IFT74: variants seen among roughly 807,000 people sequenced by gnomAD.
IFT74 encodes the protein intraflagellar transport 74.
In IFT74, 92 loss-of-function variants were observed where a neutral mutation model predicts 96.7. The observed-to-expected ratio is 0.95, with a 90% CI of 0.80 to 1.13. The LOEUF (loss-of-function observed/expected upper bound fraction) is 1.13. IFT74 is among the 50% of genes most tolerant of loss of function. The pLI is 0.00. For missense variants in IFT74, 811 were observed against 698.2 expected (o/e 1.16, Z -1.82); for synonymous variants, 223 against 213.2 (o/e 1.05, Z -0.40).
chr9:27,050,311 G>A (rs751005939), intron 16 of IFT74, among the ~76,000 whole-genome samples: 1 of 152,124 alleles, frequency 6.6e-6, no homozygotes, highest in Admixed American at 6.5e-5. Context: ...TGCCCACCTC[G>A]GCCTCCCAAA....
At chr9:26,999,041 C>T (rs370843364) in intron 8 of IFT74, among the ~76,000 whole-genome samples, 1 of 152,154 alleles carries the variant, frequency 6.6e-6, no homozygotes, top group South Asian at 2.1e-4. Context: ...TCTGGTTTAA[C>T]TCTCTTAAAC....
At position 27,048,267 on chromosome 9, in the gene IFT74, G is replaced by T; in HGVS notation, c.1326G>T (p.Leu442Phe). The part of the protein sequence containing the change: ...VQKSQSTAQN[L>F]TSDIQRLQLD... ...AATCACAAAGTACAGCTCAGAATTTGACTTCAGGTGAGAAAACAACCTAGA... is the reference window on the plus strand; with the variant it reads ...AATCACAAAGTACAGCTCAGAATTTTACTTCAGGTGAGAAAACAACCTAGA... The change falls in exon 16 of 20, where the codon TTG (leucine) becomes TTT (phenylalanine). Residue 442 changes from leucine (L) to phenylalanine (F), a missense_variant. Leu to Phe is a conservative substitution (Grantham distance 22). Transcript: ENST00000380062. The T allele has an allele frequency of 6.3e-7, 1 of 1,578,364 alleles. No individual in the cohort carries two copies. The highest frequency in any genetic ancestry group is 1.2e-5 in the South Asian group (1 of 82,822).
intron 16 of IFT74, among the ~76,000 whole-genome samples, chr9:27,054,560 A>G (rs1055275952): frequency 3.3e-5 from 5 of 152,166 alleles, no homozygotes; most frequent in Non-Finnish European, 7.3e-5. Flanking sequence ...GAATGGAAGA[A>G]TGAGACACAC....
intron 4 of IFT74, among the ~76,000 whole-genome samples, chr9:26,983,437 T>A (rs1001274756): frequency 6.6e-6 from 1 of 152,190 alleles, no homozygotes; most frequent in African/African-American, 2.4e-5. Flanking sequence ...TTTGGCAATT[T>A]CTATACATGT....
intron 13 of IFT74, among the ~76,000 whole-genome samples, chr9:27,032,520 A>G (rs1294475789): frequency 6.6e-6 from 1 of 152,130 alleles, no homozygotes; most frequent in Admixed American, 6.6e-5. Flanking sequence ...TCATGCTTTC[A>G]TTAACTGGGC....
At chr9:26,963,364 G>A (rs1161731738) in intron 2 of IFT74, among the ~76,000 whole-genome samples, 1 of 151,508 alleles carries the variant, frequency 6.6e-6, no homozygotes, top group African/African-American at 2.4e-5. Flanking sequence ...ATCATTGTTG[G>A]ACATTTGGGT....
intron 13 of IFT74, chr9:27,036,605 T>C: frequency 6.5e-7 from 1 of 1,546,446 alleles, no homozygotes; most frequent in Non-Finnish European, 8.7e-7. Context: ...CTTCAGTCTC[T>C]CTCTAGCACC....
chr9:26,988,879 C>A (rs1158591426), intron 7 of IFT74, 151 bp downstream of exon 7: 1 of 755,860 alleles, frequency 1.3e-6, no homozygotes, highest in Non-Finnish European at 1.9e-6. Context: ...ATTCCTTGAG[C>A]TCCCTTAGTT....
At chr9:27,007,949 A>T (rs1056136290) in intron 8 of IFT74, among the ~76,000 whole-genome samples, 1 of 152,192 alleles carries the variant, frequency 6.6e-6, no homozygotes, top group Non-Finnish European at 1.5e-5. Context: ...TCAATAATTG[A>T]CCTTGCCTAG....
intron 2 of IFT74, among the ~76,000 whole-genome samples, chr9:26,964,445 G>A (rs990625763): frequency 6.8e-4 from 103 of 151,120 alleles, no homozygotes; most frequent in African/African-American, 2.1e-3. Context: ...TTGGCGATGC[G>A]GGCTCTTTTT....
At chr9:26,951,120 G>C (rs1256991610) in intron 1 of IFT74, among the ~76,000 whole-genome samples, 4 of 152,220 alleles carry the variant, frequency 2.6e-5, no homozygotes, top group Admixed American at 6.5e-5. Flanking sequence ...TAGTTGGGTA[G>C]CTGGACTAAA....
intron 4 of IFT74, among the ~76,000 whole-genome samples, chr9:26,981,637 C>T (rs1827379621): frequency 6.6e-6 from 1 of 152,168 alleles, no homozygotes; most frequent in African/African-American, 2.4e-5. Context: ...CCAGGCTTGT[C>T]TCGAACTCCT....
At chr9:27,000,906 T>A (rs1166486580) in intron 8 of IFT74, among the ~76,000 whole-genome samples, 2 of 152,218 alleles carry the variant, frequency 1.3e-5, no homozygotes, top group Non-Finnish European at 2.9e-5. Flanking sequence ...CTTCTTTTTT[T>A]AAGCAAACTG....
At chr9:26,956,550 C>G (rs551130479) in intron 1 of IFT74, 34 bp downstream of exon 1, 16 of 152,488 alleles carry the variant, frequency 1.0e-4, no homozygotes, top group African/African-American at 3.6e-4. Flanking sequence ...CTTCCTCCCT[C>G]CCTCCCACGT....
rs370062629 is a variant in IFT74, at chr9:27,016,910, A to G, written c.793A>G (p.Ile265Val). The G allele has an allele frequency of 1.6e-5, 26 of 1,595,326 alleles. No homozygotes were observed. The African/African-American group carries it at 3.2e-4, about 20-fold the overall frequency. ...NMKKESLEAE[I>V]AHSQVKQEAV... Reference sequence around the variant, plus strand: ...TTCCCTTCTTATTTTCCTTTAGGAAATAGCTCACTCCCAGGTGAAACAGGA... The same window carrying G: ...TTCCCTTCTTATTTTCCTTTAGGAAGTAGCTCACTCCCAGGTGAAACAGGA... The change falls in exon 11 of 20, where the codon ATA becomes GTA. Residue 265 changes from isoleucine (I) to valine (V), a missense_variant. By Grantham distance (29) the Ile-to-Val change is conservative. Coordinates refer to ENST00000380062, the MANE Select transcript of IFT74 (RefSeq NM_025103.4).
chr9:26,960,750 T>C (rs1826317535), intron 1 of IFT74, among the ~76,000 whole-genome samples: 1 of 152,078 alleles, frequency 6.6e-6, no homozygotes. Flanking sequence ...GACCAGAGAA[T>C]AGAGTATTTC....
chr9:27,017,682 A>G (rs1469802516), intron 11 of IFT74, among the ~76,000 whole-genome samples: 1 of 152,206 alleles, frequency 6.6e-6, no homozygotes, highest in Admixed American at 6.5e-5. Context: ...TCCCAAGGCT[A>G]ATGACTTTTT....
At chr9:26,962,278 T>C (rs770474978) in intron 2 of IFT74, among the ~76,000 whole-genome samples, 191 bp downstream of exon 2, 1 of 152,208 alleles carries the variant, frequency 6.6e-6, no homozygotes, top group Non-Finnish European at 1.5e-5. Context: ...CCCTCTGTAA[T>C]AAGAGATTCT....
intron 2 of IFT74, among the ~76,000 whole-genome samples, chr9:26,962,382 T>G (rs931003822): frequency 6.6e-6 from 1 of 152,228 alleles, no homozygotes; most frequent in Non-Finnish European, 1.5e-5. Flanking sequence ...GAAGAGTGTT[T>G]GAAAGACACT....
Sources: allele counts gnomAD v4.1 joint callset (sites outside exome capture counted in the v4.1 genomes callset), GRCh38; gene constraint gnomAD v4.1.1; transcripts MANE v1.5; gene names NCBI Gene and HGNC (gene_info 2026-07-23, HGNC 2026-07-21).